The following CYP2B6 variants were observed in gnomAD, a reference collection of about 807,000 sequenced individuals.
CYP2B6 encodes cytochrome P450 family 2 subfamily B member 6, also known as cytochrome P450 2B6.
In CYP2B6, 35 loss-of-function variants were observed where a neutral mutation model predicts 43.4. The ratio of observed to expected loss-of-function variants is 0.81; its 90% CI spans 0.62 to 1.07. The LOEUF is 1.07. CYP2B6 is among the 50% of genes least tolerant of loss of function. The probability of loss-of-function intolerance (pLI) is 0.00; values close to 1 mark genes in which losing one functional copy is unlikely to be tolerated. For missense variants in CYP2B6, 624 were observed against 632.8 expected, an observed-to-expected ratio of 0.99 and a Z score of 0.15; for synonymous variants, 239 against 239.2, an observed-to-expected ratio of 1.00 and a Z score of 0.01.
intron 1 of CYP2B6, among the ~76,000 whole-genome samples, chr19:40,999,522 C>A (rs1969049400): frequency 6.6e-6 from 1 of 151,926 alleles, no homozygotes; most frequent in Admixed American, 6.6e-5. Context: ...ATGGTAATGC[C>A]TAGGTTTTCT....
intron 3 of CYP2B6, among the ~76,000 whole-genome samples, 190 bp from the exon 4 acceptor site, chr19:41,006,715 A>C (rs1430017721): frequency 6.6e-6 from 1 of 152,148 alleles, no homozygotes; most frequent in Non-Finnish European, 1.5e-5. Context: ...ATCAAATTGC[A>C]TCTGCCTCAC....
At chr19:40,995,408 T>C (rs1968985775) in intron 1 of CYP2B6, among the ~76,000 whole-genome samples, 1 of 152,044 alleles carries the variant, frequency 6.6e-6, no homozygotes, top group Admixed American at 6.5e-5. Flanking sequence ...CCCAATGGAG[T>C]ACAAGGAACA....
chr19:40,999,555 G>C (rs1372721329), intron 1 of CYP2B6, among the ~76,000 whole-genome samples: 1 of 152,050 alleles, frequency 6.6e-6, no homozygotes, highest in African/African-American at 2.4e-5. Flanking sequence ...ATGGTTTTAG[G>C]TCTAACGTTT....
chr19:40,994,361 G>C (rs1012957743), intron 1 of CYP2B6, among the ~76,000 whole-genome samples: 4 of 152,142 alleles, frequency 2.6e-5, no homozygotes, highest in Non-Finnish European at 4.4e-5. Context: ...ACTGGCATTA[G>C]AGCAGAGATC....
At chr19:41,000,124 G>T (rs1969061678) in intron 1 of CYP2B6, among the ~76,000 whole-genome samples, 2 of 152,234 alleles carry the variant, frequency 1.3e-5, no homozygotes, top group Middle Eastern at 3.4e-3. Context: ...TGCAAGAACG[G>T]TGTCTGCTCC....
intron 5 of CYP2B6, 161 bp from the exon 6 acceptor site, chr19:41,009,833 G>A: frequency 1.4e-6 from 1 of 717,852 alleles, no homozygotes; most frequent in Non-Finnish European, 2.4e-6. Context: ...AGATGAGTTA[G>A]AGATACGCGG....
intron 1 of CYP2B6, among the ~76,000 whole-genome samples, chr19:40,993,244 G>A (rs1362859501): frequency 6.6e-6 from 1 of 152,134 alleles, no homozygotes; most frequent in African/African-American, 2.4e-5. Context: ...GTTTGGGATA[G>A]CCAGGCTTGC....
chr19:41,008,013 C>G (rs1430119400), intron 4 of CYP2B6, among the ~76,000 whole-genome samples: 1 of 151,852 alleles, frequency 6.6e-6, no homozygotes, highest in East Asian at 1.9e-4. Context: ...CAATAAGGAA[C>G]AGCATTTCTT....
At chr19:41,015,711 C>A (rs569503517) in intron 8 of CYP2B6, among the ~76,000 whole-genome samples, 21 of 152,238 alleles carry the variant, frequency 1.4e-4, no homozygotes, top group African/African-American at 5.1e-4. Flanking sequence ...CCCCCTTGAG[C>A]TCTTGAAGCC....
intron 1 of CYP2B6, among the ~76,000 whole-genome samples, chr19:40,995,500 C>T (rs1968987025): frequency 1.3e-5 from 2 of 152,180 alleles, no homozygotes; most frequent in African/African-American, 4.8e-5. Flanking sequence ...GGCCCAACCT[C>T]TAAATTCTAG....
At position 41,007,039 on chromosome 19, in the gene CYP2B6, T is replaced by C. The variant is rs558163100; in HGVS notation, c.619T>C (p.Ser207Pro). The change falls in exon 4 of 9, where the codon TCA becomes CCA. Residue 207 changes from serine (S) to proline (P), a missense_variant. Ser to Pro is a moderately conservative substitution (Grantham distance 74). Transcript: ENST00000324071. ...KMLNLFYQTF[S>P]LISSVFGQLF... The stretch of plus-strand genomic sequence containing the variant: ...GCTGAACTTGTTCTACCAGACTTTT[T>C]CACTCATCAGCTCTGTATTCGGCCA... 8.7e-6 allele frequency: 14 copies of C among 1,614,152 alleles called. No individual in the cohort carries two copies. The Admixed American group carries it at 1.2e-4, about 13-fold the overall frequency.
chr19:41,006,992 A>G lies in CYP2B6; in HGVS notation c.572A>G (p.Gln191Arg), dbSNP rs537957771. The G allele has an allele frequency of 1.2e-6, 2 of 1,613,976 alleles. No individual in the cohort carries two copies. The highest frequency in any genetic ancestry group is 1.1e-5 in the South Asian group (1 of 91,072). ...GTCTTTGGAAAACGATTCCACTACC[A>G]AGATCAAGAGTTCCTGAAGATGCTG... Reference protein sequence around the residue: ...SIVFGKRFHYQDQEFLKMLNL... With the variant: ...SIVFGKRFHYRDQEFLKMLNL... The change falls in exon 4 of 9, where the codon CAA (glutamine) becomes CGA (arginine). Residue 191 changes from glutamine (Q) to arginine (R), a missense_variant. By Grantham distance (43) the Gln-to-Arg change is conservative. Transcript: ENST00000324071.
At chr19:41,010,754 T>G (rs142978769) in intron 6 of CYP2B6, among the ~76,000 whole-genome samples, 195 of 152,244 alleles carry the variant, frequency 1.3e-3, no homozygotes, top group African/African-American at 4.5e-3. Context: ...ACAGTGTACA[T>G]TGTACCCATT....
intron 3 of CYP2B6, among the ~76,000 whole-genome samples, chr19:41,005,267 G>A (rs1333252276): frequency 6.6e-6 from 1 of 152,056 alleles, no homozygotes; most frequent in Admixed American, 6.6e-5. Flanking sequence ...GAGACATGTA[G>A]GTGAAGGGTC....
At chr19:41,002,099 T>A (rs1969100128) in intron 1 of CYP2B6, among the ~76,000 whole-genome samples, 1 of 152,130 alleles carries the variant, frequency 6.6e-6, no homozygotes, top group Non-Finnish European at 1.5e-5. Flanking sequence ...CCACGTCATG[T>A]AGGACCATGT....
At chr19:41,000,882 A>C (rs1244440480) in intron 1 of CYP2B6, among the ~76,000 whole-genome samples, 3 of 152,056 alleles carry the variant, frequency 2.0e-5, no homozygotes, top group East Asian at 3.9e-4. Context: ...GTACTAAAAA[A>C]CACAAAACTA....
At position 41,012,336 on chromosome 19, in the gene CYP2B6, C is replaced by T; in HGVS notation, c.1003C>T (p.His335Tyr). The change falls in exon 7 of 9, where the codon CAT (histidine) becomes TAT (tyrosine). Residue 335 changes from histidine to tyrosine, a missense_variant. Transcript: ENST00000324071. ...GGAGATTGAACAGGTGATTGGCCCACATCGCCCTCCAGAGCTTCATGACCG... is the reference window on the plus strand; with the variant it reads ...GGAGATTGAACAGGTGATTGGCCCATATCGCCCTCCAGAGCTTCATGACCG... ...YREIEQVIGP[H>Y]RPPELHDRAK... 1 of 1,614,156 alleles carries T rather than the reference C, an allele frequency of 6.2e-7. No homozygotes were observed. The highest frequency in any genetic ancestry group is 2.2e-5 in the East Asian group (1 of 44,874).
chr19:41,007,237 C>T lies in CYP2B6; in HGVS notation c.645+172C>T, dbSNP rs1398513815. 12 of 670,302 alleles carry T rather than the reference C, an allele frequency of 1.8e-5. No homozygotes were observed. In the Admixed American group the frequency reaches 2.9e-4, roughly 16 times the overall value. The allele number at this position is 670,302 out of a possible 1,614,324, so 41.5% of individuals were successfully genotyped here. A position where few individuals can be genotyped will look rare whatever the true frequency, so the allele number is the denominator to read the frequency against. ...CCTGGAGGGAGGAGAGACGGTGAGA[C>T]AGGGATAGAGACACTGAGAGAGAGA... On this transcript the variant is annotated intron_variant, in intron 4 of 8. Coordinates refer to ENST00000324071, the MANE Select transcript of CYP2B6 (RefSeq NM_000767.5).
chr19:41,003,601 C>T (rs977107920), intron 1 of CYP2B6, among the ~76,000 whole-genome samples: 2 of 152,304 alleles, frequency 1.3e-5, no homozygotes, highest in East Asian at 1.9e-4. Context: ...AGGGCACAAG[C>T]CAATCAGAGC....
Sources: gnomAD v4.1 joint callset for allele counts (sites outside exome capture counted in the v4.1 genomes callset) on GRCh38, gnomAD v4.1.1 for gene constraint, MANE v1.5 for transcripts, NCBI Gene and HGNC (gene_info 2026-07-23, HGNC 2026-07-21) for gene names.